Variants in NIPBL observed in about 807,000 individuals in gnomAD.
The protein encoded by NIPBL is nipped-B-like protein.
NIPBL carries 19 observed loss-of-function variants against 321.8 expected under a neutral mutation model. The ratio of observed to expected loss-of-function variants is 0.06; its 90% CI spans 0.04 to 0.09. The LOEUF is 0.09. Ranked by LOEUF, NIPBL falls within the 10% of genes least tolerant of loss-of-function variation. NIPBL has a pLI of 1.00. For synonymous variants in NIPBL, 1,106 were observed against 1,114.1 expected, an observed-to-expected ratio of 0.99 and a Z score of 0.14; for missense variants, 2,210 against 3,327.0, an observed-to-expected ratio of 0.66 and a Z score of 8.26.
At chr5:36,989,761 C>T (rs1431454225) in intron 10 of NIPBL, among the ~76,000 whole-genome samples, 1 of 150,466 alleles carries the variant, frequency 6.6e-6, no homozygotes, top group African/African-American at 2.5e-5. Flanking sequence ...ATCGCTTGAA[C>T]CCAGGAGGAG....
chr5:36,948,948 T>C lies in NIPBL; in HGVS notation c.-79-4670T>C, dbSNP rs376519084. Among the ~76,000 whole-genome samples, 11 of 151,912 alleles carry C rather than the reference T, an allele frequency of 7.2e-5. No homozygotes were observed. The East Asian group carries it at 9.6e-4, about 13-fold the overall frequency. ...GTTTCAATCAACCCGTAAAATAATATTTAAAAAAGAATGAGACATCTGTAT... is the reference window on the plus strand; with the variant it reads ...GTTTCAATCAACCCGTAAAATAATACTTAAAAAAGAATGAGACATCTGTAT... On this transcript the variant is annotated intron_variant, in intron 1 of 46. Coordinates refer to ENST00000282516, the MANE Select transcript of NIPBL (RefSeq NM_133433.4).
rs1741195919 is a variant in NIPBL, at chr5:36,958,214, A to G, written c.341A>G (p.Asn114Ser). ...PNVFREKSMQNRYVQSGMMMS... is the reference protein window; with the variant it reads ...PNVFREKSMQSRYVQSGMMMS... ...GTTTTCAGGGAGAAAAGCATGCAGA[A>G]CAGATATGTACAAAGTGGTGAGTTT... is the stretch of plus-strand genomic sequence containing the variant. The change falls in exon 4 of 47, where the codon AAC becomes AGC. Residue 114 changes from asparagine (N) to serine (S), a missense_variant. Physicochemically the swap from Asn to Ser is conservative, Grantham distance 46. Around this residue, in one of 14 missense-constraint regions of NIPBL, gnomAD observed 464 missense variants for 529.5 expected, o/e 0.88. Coordinates refer to ENST00000282516, the MANE Select transcript of NIPBL (RefSeq NM_133433.4). 6.2e-7 allele frequency: 1 copy of G among 1,613,576 alleles called. No individual in the cohort carries two copies. The highest frequency in any genetic ancestry group is 1.1e-5 in the South Asian group (1 of 91,090).
chr5:36,948,116 A>G (rs1321815769), intron 1 of NIPBL, among the ~76,000 whole-genome samples: 1 of 151,956 alleles, frequency 6.6e-6, no homozygotes, highest in Non-Finnish European at 1.5e-5. Context: ...CCTCTGAAAT[A>G]TGTACCCCCC....
At chr5:37,021,163 G>C (rs1212269232) in intron 27 of NIPBL, among the ~76,000 whole-genome samples, 1 of 152,162 alleles carries the variant, frequency 6.6e-6, no homozygotes, top group Non-Finnish European at 1.5e-5. Context: ...GCGGGGCGTG[G>C]TGGCACATGC....
chr5:36,939,785 A>G (rs1285921360), intron 1 of NIPBL, among the ~76,000 whole-genome samples: 1 of 152,178 alleles, frequency 6.6e-6, no homozygotes, highest in Non-Finnish European at 1.5e-5. Flanking sequence ...GGGGAGAAAT[A>G]GAAGGGGACA....
intron 27 of NIPBL, 64 bp downstream of exon 27, chr5:37,020,941 C>G: frequency 9.4e-7 from 1 of 1,067,024 alleles, no homozygotes; most frequent in Non-Finnish European, 1.5e-6. Flanking sequence ...TGCTTGTGAG[C>G]AGTATATAAT....
chr5:36,876,823 T>TGGGGGGGGGGGGGGGGGG lies in NIPBL; in HGVS notation c.-435_-434insGGGGGGGGGGGGGGGGGG. The TGGGGGGGGGGGGGGGGGG allele has an allele frequency of 2.8e-6, 1 of 352,496 alleles. No homozygotes were observed. Among genetic ancestry groups the TGGGGGGGGGGGGGGGGGG allele is most frequent in the Non-Finnish European group, 4.9e-6 (1 of 204,034 alleles). 21.8% of individuals were successfully genotyped at this position (352,496 alleles called of 1,614,324 possible). A position where few individuals can be genotyped will look rare whatever the true frequency, so the allele number is the denominator to read the frequency against. On this transcript the variant is annotated 5_prime_UTR_variant, in exon 1 of 47. Coordinates refer to ENST00000282516, the MANE Select transcript of NIPBL (RefSeq NM_133433.4). ...AGAGAGAGACACACACAGGGCTCCT[T>TGGGGGGGGGGGGGGGGGG]CCCCCCGCCCTCCCCCCCCTCCCTC... is the stretch of plus-strand genomic sequence containing the variant.
chr5:36,920,648 A>G (rs1748860774), intron 1 of NIPBL, among the ~76,000 whole-genome samples: 3 of 152,218 alleles, frequency 2.0e-5, no homozygotes, highest in African/African-American at 7.2e-5. Flanking sequence ...CTTAGTGGCT[A>G]TTAAAATGGA....
At chr5:36,897,067 A>G (rs946871603) in intron 1 of NIPBL, among the ~76,000 whole-genome samples, 1 of 151,400 alleles carries the variant, frequency 6.6e-6, no homozygotes, top group African/African-American at 2.4e-5. Context: ...CAATGGCACG[A>G]TCTTGGCTCA....
At chr5:36,955,266 A>G (rs1354420889) in intron 2 of NIPBL, among the ~76,000 whole-genome samples, 1 of 152,218 alleles carries the variant, frequency 6.6e-6, no homozygotes, top group Non-Finnish European at 1.5e-5. Context: ...TTTTATTCCT[A>G]GAGACTAGTA....
chr5:36,907,796 TAACTA>T (rs1299359835), intron 1 of NIPBL, among the ~76,000 whole-genome samples: 1 of 152,150 alleles, frequency 6.6e-6, no homozygotes, highest in African/African-American at 2.4e-5. Context: ...AAGTTAATAA[TAACTA>T]AACTAAATAA....
At chr5:37,040,635 C>T (rs183737121) in intron 34 of NIPBL, among the ~76,000 whole-genome samples, 72 of 152,252 alleles carry the variant, frequency 4.7e-4, no homozygotes, top group African/African-American at 1.6e-3. Context: ...CTTTGGATCA[C>T]CACTACAAAC....
At chr5:37,009,901 A>C (rs562989177) in intron 20 of NIPBL, among the ~76,000 whole-genome samples, 186 bp from the exon 21 acceptor site, 1 of 152,370 alleles carries the variant, frequency 6.6e-6, no homozygotes, top group Admixed American at 6.5e-5. Context: ...TTATCTCAGC[A>C]TGCATAGGCA....
chr5:37,040,954 G>T (rs1752272355), intron 34 of NIPBL, among the ~76,000 whole-genome samples: 1 of 151,810 alleles, frequency 6.6e-6, no homozygotes, highest in Non-Finnish European at 1.5e-5. Flanking sequence ...CTGACCAGTG[G>T]GGCTTGCTTT....
At chr5:36,883,763 T>C (rs987326891) in intron 1 of NIPBL, among the ~76,000 whole-genome samples, 6 of 151,966 alleles carry the variant, frequency 3.9e-5, no homozygotes, top group African/African-American at 1.4e-4. Context: ...AGATTGTGGG[T>C]TGCCAGTTTT....
rs746297367 is a variant in NIPBL, at chr5:36,985,616, G to C, written c.2436G>C (p.Glu812Asp). 1 of 1,613,814 alleles carries C rather than the reference G, an allele frequency of 6.2e-7. No individual in the cohort carries two copies. The highest frequency in any genetic ancestry group is 1.3e-5 in the African/African-American group (1 of 74,898). Residue 812 changes from glutamate (E) to aspartate (D), a missense_variant, in exon 10 of 47, where the codon GAG becomes GAC. Physicochemically the swap from Glu to Asp is conservative, Grantham distance 45 (BLOSUM62 2). Around this residue, in one of 14 missense-constraint regions of NIPBL, gnomAD observed 588 missense variants for 564.1 expected, o/e 1.04. Coordinates refer to ENST00000282516, the MANE Select transcript of NIPBL (RefSeq NM_133433.4). Reference protein sequence around the residue: ...KQRPDGRSVSESLRRDHDNKQ... With the variant: ...KQRPDGRSVSDSLRRDHDNKQ... Reference sequence around the variant, plus strand: ...GACCTGATGGGCGATCTGTTTCTGAGTCACTAAGACGTGACCATGATAATA... The same window carrying C: ...GACCTGATGGGCGATCTGTTTCTGACTCACTAAGACGTGACCATGATAATA...
intron 1 of NIPBL, among the ~76,000 whole-genome samples, chr5:36,908,259 T>C (rs1747791968): frequency 6.6e-6 from 1 of 152,204 alleles, no homozygotes; most frequent in Non-Finnish European, 1.5e-5. Flanking sequence ...AGTGTTTGCT[T>C]AAACATTCTT....
intron 9 of NIPBL, among the ~76,000 whole-genome samples, chr5:36,977,399 T>C (rs1488743879): frequency 6.6e-6 from 1 of 151,978 alleles, no homozygotes; most frequent in Non-Finnish European, 1.5e-5. Context: ...GTTTCTATGC[T>C]AAGAAACATG....
chr5:36,987,191 A>C (rs952785409), intron 10 of NIPBL, among the ~76,000 whole-genome samples: 7 of 152,088 alleles, frequency 4.6e-5, no homozygotes, highest in African/African-American at 1.7e-4. Context: ...GTCTAAATAT[A>C]CTGAGGTGTA....
Sources: gnomAD v4.1 joint callset for allele counts (sites outside exome capture counted in the v4.1 genomes callset) on GRCh38, gnomAD v4.1.1 for gene constraint, gnomAD v4.1.1 regional missense constraint, MANE v1.5 for transcripts, NCBI Gene and HGNC (gene_info 2026-07-23, HGNC 2026-07-21) for gene names.